Variants in XRN1 observed in about 807,000 individuals in gnomAD.
The protein encoded by XRN1 is strand-exchange protein 1 homolog.
XRN1 carries 67 observed loss-of-function variants against 222.3 expected under a neutral mutation model. The observed-to-expected ratio is 0.30, with a 90% CI of 0.25 to 0.37. The LOEUF is 0.37. Ranked by LOEUF, XRN1 falls within the 10% of genes least tolerant of loss-of-function variation. The pLI is 1.00. For synonymous variants in XRN1, 643 were observed against 652.4 expected (o/e 0.99, Z 0.22); for missense variants, 1,707 against 2,000.2 (o/e 0.85, Z 2.80).
chr3:142,362,726 TCTC>T (rs1011420456), intron 29 of XRN1, among the ~76,000 whole-genome samples: 3 of 149,624 alleles, frequency 2.0e-5, no homozygotes, highest in Non-Finnish European at 4.5e-5. Flanking sequence ...CTTCCCTTCT[TCTC>T]CTCCTTCCCT....
chr3:142,324,149 GGTTT>G (rs2065447165), intron 37 of XRN1, among the ~76,000 whole-genome samples: 1 of 151,000 alleles, frequency 6.6e-6, no homozygotes, highest in African/African-American at 2.4e-5. Context: ...ACAACGTGCA[GGTTT>G]GTTACATATA....
intron 2 of XRN1, among the ~76,000 whole-genome samples, chr3:142,429,130 G>A (rs1313809646): frequency 6.6e-6 from 1 of 150,884 alleles, no homozygotes; most frequent in Non-Finnish European, 1.5e-5. Context: ...GTATTCTTTG[G>A]ATTTAGCCAT....
At chr3:142,405,775 G>GA (rs1200374624) in intron 15 of XRN1, among the ~76,000 whole-genome samples, 1 of 151,376 alleles carries the variant, frequency 6.6e-6, no homozygotes, top group Non-Finnish European at 1.5e-5. Flanking sequence ...CTATCCAGCT[G>GA]AAAAAAAAGC....
chr3:142,406,160 T>C (rs1305284329), intron 15 of XRN1, among the ~76,000 whole-genome samples: 1 of 152,150 alleles, frequency 6.6e-6, no homozygotes, highest in Non-Finnish European at 1.5e-5. Context: ...ATAAGACATA[T>C]GGACCAATGG....
rs2065006260 is a variant in XRN1 at position 142,308,171 on chromosome 3, A to C, written c.*3340T>G. The C allele has an allele frequency of 6.6e-6, 1 of 152,202 alleles. No homozygotes were observed. Among genetic ancestry groups the C allele is most frequent in the Non-Finnish European group, 1.5e-5 (1 of 68,038 alleles). The allele number at this position is 152,202 out of a possible 1,614,324, so 9.4% of individuals were successfully genotyped here. ...AACACAAATAGAACACATAAATAAA[A>C]AGTGAGTAAAAAAGACCTTACAGTT... is the stretch of plus-strand genomic sequence containing the variant. On this transcript the variant is annotated 3_prime_UTR_variant, in exon 41 of 41. Coordinates refer to ENST00000392981, the MANE Select transcript of XRN1 (RefSeq NM_001282857.2).
chr3:142,428,903 TAATC>T (rs1324565277), intron 2 of XRN1, among the ~76,000 whole-genome samples: 7 of 152,078 alleles, frequency 4.6e-5, no homozygotes, highest in Non-Finnish European at 1.0e-4. Flanking sequence ...AGAGACATAG[TAATC>T]AAAGCCATTG....
At chr3:142,374,214 T>A (rs2067071429) in intron 25 of XRN1, among the ~76,000 whole-genome samples, 1 of 151,964 alleles carries the variant, frequency 6.6e-6, no homozygotes, top group African/African-American at 2.4e-5. Flanking sequence ...GGCAGACTGG[T>A]GAAGAAAACT....
At chr3:142,396,051 TC>T (rs2067916431) in intron 20 of XRN1, among the ~76,000 whole-genome samples, 2 of 152,216 alleles carry the variant, frequency 1.3e-5, no homozygotes, top group African/African-American at 4.8e-5. Flanking sequence ...CATAGTTGTC[TC>T]CCATCCAGCA....
intron 1 of XRN1, among the ~76,000 whole-genome samples, chr3:142,438,939 A>AC (rs1376348540): frequency 1.0e-4 from 15 of 148,606 alleles, no homozygotes; most frequent in African/African-American, 2.8e-4. Context: ...ACTAACAAGG[A>AC]CCCCCCTTTA....
rs1202900525 is a variant in XRN1, at chr3:142,418,543, G to A, written c.1307C>T (p.Thr436Ile). The change falls in exon 12 of 41, where the codon ACA (threonine) becomes ATA (isoleucine). Residue 436 changes from threonine (T) to isoleucine (I), a missense_variant. By Grantham distance (89) the Thr-to-Ile change is moderately conservative. Around this residue, in one of 2 missense-constraint regions of XRN1, gnomAD observed 1,234 missense variants for 1,518.2 expected, o/e 0.81. Transcript: ENST00000392981. ...FETEFRQYKR[T>I]YYMTKMGVDV... ...AACCCCCATCTTCGTCATGTAATAT[G>A]TTCTTTTATATTGTCTAAACTCAGT... 1.9e-6 allele frequency: 3 copies of A among 1,611,752 alleles called. No individual in the cohort carries two copies. Among genetic ancestry groups the A allele is most frequent in the South Asian group, 1.1e-5 (1 of 90,392 alleles).
At chr3:142,387,716 C>T (rs1193729867) in intron 20 of XRN1, among the ~76,000 whole-genome samples, 3 of 152,142 alleles carry the variant, frequency 2.0e-5, no homozygotes, top group African/African-American at 7.2e-5. Flanking sequence ...GAAATCCAAT[C>T]CCTAATGTTG....
chr3:142,370,803 T>A (rs548163352), intron 26 of XRN1, among the ~76,000 whole-genome samples, 183 bp from the exon 27 acceptor site: 2 of 152,184 alleles, frequency 1.3e-5, no homozygotes, highest in South Asian at 4.1e-4. Context: ...AAAAGATTAG[T>A]TTAAAAGTAT....
At chr3:142,428,630 C>T (rs1465157674) in intron 2 of XRN1, among the ~76,000 whole-genome samples, 1 of 152,034 alleles carries the variant, frequency 6.6e-6, no homozygotes, top group Admixed American at 6.6e-5. Flanking sequence ...ATAAAGAGGA[C>T]TGGATGTGAG....
At chr3:142,404,270 A>T (rs1043501497) in intron 16 of XRN1, among the ~76,000 whole-genome samples, 2 of 152,096 alleles carry the variant, frequency 1.3e-5, no homozygotes, top group African/African-American at 2.4e-5. Flanking sequence ...ACATAACACA[A>T]ATCTCTATAT....
rs376615541 is a variant in XRN1 at position 142,447,348 on chromosome 3, T to C, written c.75+522A>G. On this transcript the variant is annotated intron_variant, in intron 1 of 40. Coordinates refer to ENST00000392981, the MANE Select transcript of XRN1 (RefSeq NM_001282857.2). The surrounding 1 kb of genome is among the most constrained non-coding windows in gnomAD (Gnocchi z 4.2). Reference sequence around the variant, plus strand: ...AAAGTAACAAAAGGCATCACCAATATGACCATCAGCCACGTCGGAAAGTCT... The same window carrying C: ...AAAGTAACAAAAGGCATCACCAATACGACCATCAGCCACGTCGGAAAGTCT... Among the ~76,000 whole-genome samples, 1 of 152,216 alleles carries C rather than the reference T, an allele frequency of 6.6e-6. No individual in the cohort carries two copies. Among genetic ancestry groups the C allele is most frequent in the African/African-American group, 2.4e-5 (1 of 41,470 alleles).
At chr3:142,408,232 C>T (rs372999376) in intron 15 of XRN1, among the ~76,000 whole-genome samples, 31 of 152,310 alleles carry the variant, frequency 2.0e-4, no homozygotes, top group Non-Finnish European at 2.9e-4. Context: ...AAAGAATAAG[C>T]GAAGTAATAC....
intron 20 of XRN1, among the ~76,000 whole-genome samples, chr3:142,389,313 CT>C (rs941630384): frequency 4.6e-5 from 7 of 151,328 alleles, no homozygotes; most frequent in African/African-American, 1.5e-4. Flanking sequence ...CTAATTCTAG[CT>C]TTTTTTTTGC....
At chr3:142,363,650 AC>A in intron 29 of XRN1, among the ~76,000 whole-genome samples, 1 of 151,470 alleles carries the variant, frequency 6.6e-6, no homozygotes, top group East Asian at 1.9e-4. Flanking sequence ...TGTAAAGTTT[AC>A]TCTAGCTTTG....
intron 25 of XRN1, among the ~76,000 whole-genome samples, chr3:142,375,545 G>C (rs1273897756): frequency 6.6e-6 from 1 of 152,188 alleles, no homozygotes; most frequent in East Asian, 1.9e-4. Flanking sequence ...ATGTATGATA[G>C]TAAGTTAAGA....
Sources: allele counts gnomAD v4.1 joint callset (sites outside exome capture counted in the v4.1 genomes callset), GRCh38; gene constraint gnomAD v4.1.1; regional missense constraint gnomAD v4.1.1; non-coding constraint Gnocchi (gnomAD v3.1); transcripts MANE v1.5; gene names NCBI Gene and HGNC (gene_info 2026-07-23, HGNC 2026-07-21).